ADCYAP1R1: variants seen among roughly 807,000 people sequenced by gnomAD.
ADCYAP1R1 encodes ADCYAP receptor type I.
In ADCYAP1R1, 44 loss-of-function variants were observed where a neutral mutation model predicts 67.6. The observed-to-expected ratio is 0.65, with a 90% CI of 0.51 to 0.84. The LOEUF is 0.84. Among genes scored for constraint, ADCYAP1R1 ranks in the 40% least tolerant of loss-of-function variants. ADCYAP1R1 has a pLI of 0.00. For missense variants in ADCYAP1R1, 477 were observed against 587.9 expected, an observed-to-expected ratio of 0.81 and a Z score of 1.95; for synonymous variants, 222 against 219.6, an observed-to-expected ratio of 1.01 and a Z score of -0.10.
chr7:31,086,827 C>T lies in ADCYAP1R1; in HGVS notation c.824-116C>T, dbSNP rs1437867813. The T allele has an allele frequency of 4.3e-6, 5 of 1,167,754 alleles. No individual in the cohort carries two copies. The highest frequency in any genetic ancestry group is 2.3e-5 in the East Asian group (1 of 42,680). 72.3% of individuals were successfully genotyped at this position (1,167,754 alleles called of 1,614,324 possible). On this transcript the variant is annotated intron_variant, in intron 10 of 15. Transcript: ENST00000304166. This position sits in a 1 kb window ranked among gnomAD's most constrained non-coding sequence, Gnocchi z 5.0. ...TGGGTGTGAGGGACAGTTAGAATTCCCAGGAATTCCAAGTCTCATGGGGGA... is the reference window on the plus strand; with the variant it reads ...TGGGTGTGAGGGACAGTTAGAATTCTCAGGAATTCCAAGTCTCATGGGGGA...
At chr7:31,091,373 T>C (rs1354373913) in intron 12 of ADCYAP1R1, among the ~76,000 whole-genome samples, 1 of 152,254 alleles carries the variant, frequency 6.6e-6, no homozygotes, top group Non-Finnish European at 1.5e-5. Flanking sequence ...GTTGTCTGTT[T>C]GCTCTGTTGA....
intron 1 of ADCYAP1R1, among the ~76,000 whole-genome samples, chr7:31,060,236 G>A (rs538121449): frequency 3.9e-5 from 6 of 152,294 alleles, no homozygotes; most frequent in African/African-American, 1.2e-4. Flanking sequence ...GCATGTGTGC[G>A]TGCATGTACA....
intron 3 of ADCYAP1R1, among the ~76,000 whole-genome samples, chr7:31,069,465 C>T (rs1232520115): frequency 1.3e-5 from 2 of 152,170 alleles, no homozygotes; most frequent in African/African-American, 4.8e-5. Context: ...TGTAAACTCA[C>T]AACAGTGTCT....
At chr7:31,067,661 A>T (rs1286010091) in intron 3 of ADCYAP1R1, among the ~76,000 whole-genome samples, 1 of 152,174 alleles carries the variant, frequency 6.6e-6, no homozygotes, top group African/African-American at 2.4e-5. Context: ...ACCTCTAAAG[A>T]GTGACATGCT....
chr7:31,096,547 C>T (rs1445741063), intron 13 of ADCYAP1R1, among the ~76,000 whole-genome samples: 1 of 152,172 alleles, frequency 6.6e-6, no homozygotes, highest in East Asian at 1.9e-4. Context: ...GAAAATGGCA[C>T]CACCTAAGAT....
At chr7:31,054,456 G>T (rs1474018094) in intron 1 of ADCYAP1R1, among the ~76,000 whole-genome samples, 1 of 152,196 alleles carries the variant, frequency 6.6e-6, no homozygotes, top group Non-Finnish European at 1.5e-5. Context: ...TGGGACCCAT[G>T]GCTTTTCACA....
intron 13 of ADCYAP1R1, among the ~76,000 whole-genome samples, chr7:31,101,392 G>A (rs1445635217): frequency 1.3e-5 from 2 of 152,146 alleles, no homozygotes; most frequent in Non-Finnish European, 2.9e-5. Flanking sequence ...ACTTGGAAAT[G>A]GTCCCACCTA....
At chr7:31,098,248 T>G (rs9690055) in intron 13 of ADCYAP1R1, among the ~76,000 whole-genome samples, 1 of 152,148 alleles carries the variant, frequency 6.6e-6, no homozygotes, top group Non-Finnish European at 1.5e-5. Context: ...ATTTGAAGAA[T>G]AGAATAGGTA....
At chr7:31,073,756 T>C (rs1195201260) in intron 3 of ADCYAP1R1, among the ~76,000 whole-genome samples, 1 of 152,168 alleles carries the variant, frequency 6.6e-6, no homozygotes, top group African/African-American at 2.4e-5. Context: ...GAGGCAGCTG[T>C]GAGTCTCTTG....
intron 9 of ADCYAP1R1, 39 bp downstream of exon 9, chr7:31,085,481 A>G (rs943490168): frequency 1.3e-6 from 2 of 1,597,496 alleles, no homozygotes; most frequent in African/African-American, 2.7e-5. Flanking sequence ...CTCTGCCGGG[A>G]AGGTCCCGCA....
intron 4 of ADCYAP1R1, among the ~76,000 whole-genome samples, chr7:31,078,862 G>T (rs113015906): frequency 6.6e-6 from 1 of 152,138 alleles, no homozygotes; most frequent in African/African-American, 2.4e-5. Flanking sequence ...TTGGAGGCGC[G>T]GGTGTGCGAT....
At chr7:31,094,678 C>T (rs1796115614) in intron 13 of ADCYAP1R1, among the ~76,000 whole-genome samples, 1 of 152,118 alleles carries the variant, frequency 6.6e-6, no homozygotes, top group South Asian at 2.1e-4. Context: ...CAAGAACCCC[C>T]AGGGCCTGGT....
chr7:31,100,362 T>A (rs1434191803), intron 13 of ADCYAP1R1, among the ~76,000 whole-genome samples: 1 of 150,806 alleles, frequency 6.6e-6, no homozygotes. Flanking sequence ...TCTGTGTGTC[T>A]TGTGAGTTCT....
At chr7:31,056,948 A>G (rs1344764819) in intron 1 of ADCYAP1R1, 2 of 151,994 alleles carry the variant, frequency 1.3e-5, no homozygotes, top group African/African-American at 4.8e-5. Context: ...TTTTCTGGGC[A>G]CTCGTGTGTC....
chr7:31,072,977 C>G (rs10230746), intron 3 of ADCYAP1R1, among the ~76,000 whole-genome samples: 1 of 152,034 alleles, frequency 6.6e-6, no homozygotes, highest in African/African-American at 2.4e-5. Context: ...GGCCTCTTAA[C>G]TCTGGAAAAG....
At chr7:31,073,124 A>G (rs1795057114) in intron 3 of ADCYAP1R1, among the ~76,000 whole-genome samples, 1 of 152,248 alleles carries the variant, frequency 6.6e-6, no homozygotes, top group South Asian at 2.1e-4. Flanking sequence ...ATTTTAAGAC[A>G]GTAAGTTTGC....
At chr7:31,061,174 G>T (rs1387005561) in intron 1 of ADCYAP1R1, among the ~76,000 whole-genome samples, 1 of 152,240 alleles carries the variant, frequency 6.6e-6, no homozygotes, top group Non-Finnish European at 1.5e-5. Context: ...CGCGGAAGGT[G>T]CAGGGAATCG....
chr7:31,072,731 C>A (rs1795043035), intron 3 of ADCYAP1R1, among the ~76,000 whole-genome samples: 1 of 152,228 alleles, frequency 6.6e-6, no homozygotes, highest in Non-Finnish European at 1.5e-5. Context: ...CCCACGTCAT[C>A]CTAATCCCTG....
intron 3 of ADCYAP1R1, among the ~76,000 whole-genome samples, chr7:31,076,082 C>T (rs1795199514): frequency 6.6e-6 from 1 of 152,200 alleles, no homozygotes; most frequent in African/African-American, 2.4e-5. Flanking sequence ...AGGCAACTAG[C>T]TGTGGGCTCT....
Sources: allele counts gnomAD v4.1 joint callset (sites outside exome capture counted in the v4.1 genomes callset), GRCh38; gene constraint gnomAD v4.1.1; non-coding constraint Gnocchi (gnomAD v3.1); transcripts MANE v1.5; gene names NCBI Gene and HGNC (gene_info 2026-07-23, HGNC 2026-07-21).